Variants in GREB1L observed in about 807,000 individuals in gnomAD.
GREB1L encodes GREB1-like protein.
Under a neutral mutation model 200.8 loss-of-function variants are expected in GREB1L, and 17 were observed. The ratio of observed to expected loss-of-function variants is 0.08; its 90% CI spans 0.06 to 0.13. The LOEUF is 0.13. GREB1L is among the 10% of genes least tolerant of loss of function. The pLI is 1.00. For missense variants in GREB1L, 1,657 were observed against 2,367.7 expected, an observed-to-expected ratio of 0.70 and a Z score of 6.23; for synonymous variants, 789 against 893.0, an observed-to-expected ratio of 0.88 and a Z score of 2.08.
rs1434689284 is a variant in GREB1L at position 21,481,457 on chromosome 18, GTGTGTGTGTGTGTGTGTGTGTATA to G, written c.2556+4103_2556+4126del. 1.1e-4 allele frequency among the ~76,000 whole-genome samples: 15 copies of G among 142,472 alleles called. No homozygotes were observed. In the South Asian group the frequency reaches 3.5e-3, roughly 33 times the overall value. 93.5% of individuals were successfully genotyped at this position (142,472 alleles called of 152,430 possible). On this transcript the variant is annotated intron_variant, in intron 17 of 32. Coordinates refer to ENST00000424526, the MANE Select transcript of GREB1L (RefSeq NM_001142966.3). ...TATATGTATGTGTGTGTGTGTGTGT[GTGTGTGTGTGTGTGTGTGTGTATA>G]TATATATATATATATAGCATTATTA...
intron 18 of GREB1L, among the ~76,000 whole-genome samples, chr18:21,489,738 G>A (rs78054198): frequency 6.6e-6 from 1 of 152,070 alleles, no homozygotes; most frequent in African/African-American, 2.4e-5. Context: ...GCTGCTGGTG[G>A]TCTGTAGACC....
At position 21,469,534 on chromosome 18, in the gene GREB1L, T is replaced by C. The variant is rs1189169965; in HGVS notation, c.2183-3497T>C. Among the ~76,000 whole-genome samples the C allele has an allele frequency of 3.9e-5, 6 of 152,210 alleles. 1 individual carries two copies. Among genetic ancestry groups the C allele is most frequent in the African/African-American group, 1.4e-4 (6 of 41,446 alleles). On this transcript the variant is annotated intron_variant, in intron 15 of 32. Transcript: ENST00000424526. ...GGATTAACCTTTTTTCCAAGAAACC[T>C]GATTCCTTGTATTGAAGAATGGTAT...
intron 1 of GREB1L, among the ~76,000 whole-genome samples, chr18:21,267,443 A>G (rs1443032958): frequency 6.6e-6 from 1 of 152,096 alleles, no homozygotes; most frequent in Non-Finnish European, 1.5e-5. Context: ...CGGTCTCCCA[A>G]AGTGCTGGGA....
intron 1 of GREB1L, among the ~76,000 whole-genome samples, chr18:21,252,187 G>T (rs2037717086): frequency 6.6e-6 from 1 of 152,090 alleles, no homozygotes; most frequent in African/African-American, 2.4e-5. Flanking sequence ...TATTACTATA[G>T]AACTTTAATC....
At chr18:21,513,501 G>A (rs759714443) in intron 27 of GREB1L, among the ~76,000 whole-genome samples, 7 of 152,232 alleles carry the variant, frequency 4.6e-5, no homozygotes, top group South Asian at 2.1e-4. Context: ...TTTGTCCTGT[G>A]AGGGAAACTG....
intron 17 of GREB1L, among the ~76,000 whole-genome samples, chr18:21,483,322 T>A (rs928814739): frequency 6.6e-6 from 1 of 152,212 alleles, no homozygotes; most frequent in African/African-American, 2.4e-5. Context: ...CATAAAGCTT[T>A]TCCAGATGAC....
chr18:21,366,855 A>C (rs1179968359), intron 2 of GREB1L, among the ~76,000 whole-genome samples: 1 of 152,146 alleles, frequency 6.6e-6, no homozygotes, highest in Non-Finnish European at 1.5e-5. Flanking sequence ...GGTCATTGCC[A>C]CTTCAGCCTG....
intron 18 of GREB1L, among the ~76,000 whole-genome samples, chr18:21,488,386 A>G (rs2036206922): frequency 6.6e-6 from 1 of 152,180 alleles, no homozygotes; most frequent in South Asian, 2.1e-4. Flanking sequence ...TTCATGTGTT[A>G]TTCATTTGAT....
At position 21,477,365 on chromosome 18, in the gene GREB1L, C is replaced by T. The variant is rs2035742993; in HGVS notation, c.2556+9C>T. ...TACAGCTGGATACTGGGGTGAGTCT[C>T]TTGCCTGCTGTCTGATACACTGTCA... On this transcript the variant is annotated intron_variant, in intron 17 of 32. Coordinates refer to ENST00000424526, the MANE Select transcript of GREB1L (RefSeq NM_001142966.3). 3.3e-6 allele frequency: 5 copies of T among 1,534,898 alleles called. No individual in the cohort carries two copies. Among genetic ancestry groups the T allele is most frequent in the Non-Finnish European group, 4.4e-6 (5 of 1,135,646 alleles).
At chr18:21,521,212 A>C (rs2037589399) in intron 32 of GREB1L, among the ~76,000 whole-genome samples, 1 of 151,870 alleles carries the variant, frequency 6.6e-6, no homozygotes, top group African/African-American at 2.4e-5. Context: ...AAAAGTAAAT[A>C]AATAAATACA....
chr18:21,297,280 C>G (rs1416225399), intron 1 of GREB1L, among the ~76,000 whole-genome samples: 2 of 152,142 alleles, frequency 1.3e-5, no homozygotes, highest in African/African-American at 4.8e-5. Flanking sequence ...AGCCCTTATA[C>G]TGGGCTGGGC....
intron 1 of GREB1L, among the ~76,000 whole-genome samples, chr18:21,279,817 T>C (rs908112243): frequency 1.3e-5 from 2 of 152,174 alleles, no homozygotes; most frequent in Non-Finnish European, 2.9e-5. Context: ...TGTCCTGATT[T>C]AGCAGGTTTT....
intron 1 of GREB1L, among the ~76,000 whole-genome samples, chr18:21,344,461 C>A (rs1466096906): frequency 6.8e-6 from 1 of 147,448 alleles, no homozygotes; most frequent in African/African-American, 2.6e-5. Flanking sequence ...AGACATTTGG[C>A]TTGTTTCTCC....
intron 1 of GREB1L, chr18:21,363,493 C>T (rs149318245): frequency 1.0e-3 from 155 of 151,858 alleles, no homozygotes; most frequent in African/African-American, 3.6e-3. Flanking sequence ...GTTTATGGTC[C>T]AATGTCTGTC....
Position 21,499,748 on chromosome 18 carries a change from A to G in GREB1L, c.3411A>G (p.Gly1137=), listed in dbSNP as rs1207790808. Reference sequence around the variant, plus strand: ...TCACAGGTTCCATCATGGAGAATGGAGTGAGCTCTTCCAGCACAGCTGACA... The same window carrying G: ...TCACAGGTTCCATCATGGAGAATGGGGTGAGCTCTTCCAGCACAGCTGACA... ...TGTSGSIMEN[G]VSSSSTADKS... is the part of the protein sequence containing the mutation. The change falls in exon 22 of 33, where the codon GGA becomes GGG. Residue 1137 remains glycine, a synonymous_variant. Coordinates refer to ENST00000424526, the MANE Select transcript of GREB1L (RefSeq NM_001142966.3). The G allele has an allele frequency of 1.9e-6, 3 of 1,551,638 alleles. No individual in the cohort carries two copies. Among genetic ancestry groups the G allele is most frequent in the Non-Finnish European group, 2.6e-6 (3 of 1,146,866 alleles).
At chr18:21,425,437 A>C (rs570631325) in intron 7 of GREB1L, among the ~76,000 whole-genome samples, 2 of 152,370 alleles carry the variant, frequency 1.3e-5, no homozygotes, top group African/African-American at 4.8e-5. Context: ...TTGCTGGGTC[A>C]TATGATAACT....
chr18:21,346,639 T>G (rs974505601), intron 1 of GREB1L, among the ~76,000 whole-genome samples: 2 of 152,174 alleles, frequency 1.3e-5, no homozygotes, highest in African/African-American at 4.8e-5. Flanking sequence ...CCTGTCCTAA[T>G]TAGGTTTACA....
At chr18:21,441,734 A>T (rs1293652238) in intron 10 of GREB1L, among the ~76,000 whole-genome samples, 197 bp downstream of exon 10, 1 of 152,192 alleles carries the variant, frequency 6.6e-6, no homozygotes, top group East Asian at 1.9e-4. Context: ...TTTGCCCTCA[A>T]GGAGCACTGT....
At chr18:21,486,150 C>G (rs1428659088) in intron 18 of GREB1L, among the ~76,000 whole-genome samples, 1 of 152,132 alleles carries the variant, frequency 6.6e-6, no homozygotes, top group Admixed American at 6.5e-5. Flanking sequence ...ATCAGGAGAT[C>G]GAGACCACCC....
Sources: allele counts gnomAD v4.1 joint callset (sites outside exome capture counted in the v4.1 genomes callset), GRCh38; gene constraint gnomAD v4.1.1; transcripts MANE v1.5; gene names NCBI Gene and HGNC (gene_info 2026-07-23, HGNC 2026-07-21).